PTPRE: variants seen among roughly 807,000 people sequenced by gnomAD.
PTPRE encodes protein tyrosine phosphatase receptor type E, also known as receptor-type tyrosine-protein phosphatase epsilon.
Under a neutral mutation model 102.0 loss-of-function variants are expected in PTPRE, and 51 were observed. That is an observed-to-expected ratio of 0.50 (90% CI 0.40 to 0.63). The LOEUF is 0.63. PTPRE is among the 30% of genes least tolerant of loss of function. PTPRE has a pLI of 0.00. For synonymous variants in PTPRE, 345 were observed against 348.2 expected (o/e 0.99, Z 0.10); for missense variants, 752 against 915.1 (o/e 0.82, Z 2.30).
chr10:127,942,767 A>G (rs1427090428), intron 1 of PTPRE, among the ~76,000 whole-genome samples: 1 of 152,230 alleles, frequency 6.6e-6, no homozygotes, highest in African/African-American at 2.4e-5. Context: ...CAGTTTGGGA[A>G]GAGGAAGAAG....
intron 10 of PTPRE, among the ~76,000 whole-genome samples, chr10:128,065,544 G>A (rs1472824570): frequency 1.3e-5 from 2 of 152,174 alleles, no homozygotes; most frequent in Non-Finnish European, 2.9e-5. Flanking sequence ...CGGCAGCCTC[G>A]TCCCTGCTAG....
intron 1 of PTPRE, among the ~76,000 whole-genome samples, chr10:127,910,293 C>G (rs1188164547): frequency 1.3e-5 from 2 of 152,184 alleles, no homozygotes; most frequent in African/African-American, 4.8e-5. Context: ...TGCTCTCAGC[C>G]TCCTTCCCCT....
intron 1 of PTPRE, among the ~76,000 whole-genome samples, chr10:127,908,450 G>C (rs1845645590): frequency 6.6e-6 from 1 of 152,084 alleles, no homozygotes; most frequent in South Asian, 2.1e-4. Flanking sequence ...GTGGGGAGGG[G>C]GGGTGTGGAG....
intron 6 of PTPRE, among the ~76,000 whole-genome samples, chr10:128,054,493 G>A (rs1266348050): frequency 6.6e-6 from 1 of 152,084 alleles, no homozygotes; most frequent in East Asian, 1.9e-4. Context: ...GGCGGCGTAG[G>A]TGCTGGTGGC....
chr10:128,013,124 A>G (rs761960486), intron 2 of PTPRE, among the ~76,000 whole-genome samples: 3 of 152,310 alleles, frequency 2.0e-5, no homozygotes, highest in African/African-American at 4.8e-5. Context: ...GCTGTGCTGC[A>G]TTATAATTTT....
chr10:127,973,181 G>A (rs1316484347), intron 1 of PTPRE, among the ~76,000 whole-genome samples: 1 of 152,144 alleles, frequency 6.6e-6, no homozygotes, highest in African/African-American at 2.4e-5. Flanking sequence ...ATGTGGAGGA[G>A]GGATTCATTA....
intron 2 of PTPRE, among the ~76,000 whole-genome samples, chr10:128,006,587 T>C (rs986702014): frequency 6.6e-6 from 1 of 152,210 alleles, no homozygotes; most frequent in African/African-American, 2.4e-5. Context: ...GTTCCGTCTT[T>C]ATTGCAAACT....
chr10:128,037,498 G>A (rs1847313373), intron 2 of PTPRE, among the ~76,000 whole-genome samples: 1 of 152,168 alleles, frequency 6.6e-6, no homozygotes, highest in South Asian at 2.1e-4. Context: ...CCTCCTCAAT[G>A]AGCTACTTTA....
intron 3 of PTPRE, among the ~76,000 whole-genome samples, chr10:128,041,694 T>C (rs1847715889): frequency 6.8e-6 from 1 of 148,114 alleles, no homozygotes; most frequent in African/African-American, 2.5e-5. Context: ...ATATTTTAGG[T>C]CAGATATTGG....
intron 17 of PTPRE, among the ~76,000 whole-genome samples, chr10:128,076,067 G>A (rs1048559491): frequency 6.6e-6 from 1 of 152,208 alleles, no homozygotes; most frequent in Non-Finnish European, 1.5e-5. Flanking sequence ...TCAAATTGTT[G>A]CATCGTGATT....
In PTPRE at chr10:128,079,573, C is replaced by T. The variant is rs1851524726; in HGVS notation, c.1906C>T (p.Arg636Ter). The T allele has an allele frequency of 4.3e-6, 7 of 1,613,900 alleles. No homozygotes were observed. The highest frequency in any genetic ancestry group is 5.9e-6 in the Non-Finnish European group (7 of 1,179,988). ...TTTTCTCTGCAGTGCCGGAGCTGGG[C>T]GAACAGGTACATTCATAGCCCTCAG... ...ITVHCSAGAG[R>*]TGTFIALSNI... The change falls in exon 20 of 21, where the codon CGA becomes TGA. Residue 636 changes from arginine to a stop codon, truncating the protein, a stop_gained. Transcript: ENST00000254667. LOFTEE classifies it high-confidence loss of function.
chr10:127,960,667 C>T (rs1849724502), intron 1 of PTPRE, among the ~76,000 whole-genome samples: 5 of 152,196 alleles, frequency 3.3e-5, no homozygotes, highest in Admixed American at 2.6e-4. Context: ...CTTGCCATAG[C>T]CCAGATCTTG....
chr10:127,974,849 T>C (rs1325661852), intron 1 of PTPRE, among the ~76,000 whole-genome samples: 1 of 152,100 alleles, frequency 6.6e-6, no homozygotes, highest in Non-Finnish European at 1.5e-5. Context: ...GGGGAGGGTC[T>C]GCACCTGCCT....
chr10:128,077,378 G>A (rs1009757277), intron 18 of PTPRE, among the ~76,000 whole-genome samples: 5 of 152,200 alleles, frequency 3.3e-5, no homozygotes, highest in African/African-American at 1.2e-4. Flanking sequence ...AGGGATCCAG[G>A]GGATGTCCTC....
intron 1 of PTPRE, among the ~76,000 whole-genome samples, chr10:127,951,282 T>C (rs1181964521): frequency 2.0e-5 from 3 of 152,174 alleles, no homozygotes; most frequent in South Asian, 2.1e-4. Context: ...AAGGAGAGGC[T>C]GGGTTCCCTC....
At position 128,076,664 on chromosome 10, in the gene PTPRE, A is replaced by G; in HGVS notation, c.1661A>G (p.Glu554Gly). The part of the protein sequence containing the change: ...GSVTHGEITI[E>G]IKNDTLSEAI... ...GTTACTCATGGAGAAATAACGATTG[A>G]GATAAAGAATGATACCCTTTCAGAA... Residue 554 changes from glutamate to glycine, a missense_variant, in exon 18 of 21, where the codon GAG (glutamate) becomes GGG (glycine). Glu to Gly is a moderately conservative substitution (Grantham distance 98, BLOSUM62 -2). This residue lies in a region of PTPRE where 636 missense variants were observed against 824.4 expected (regional missense o/e 0.77). Coordinates refer to ENST00000254667, the MANE Select transcript of PTPRE (RefSeq NM_006504.6). 6.2e-7 allele frequency: 1 copy of G among 1,612,072 alleles called. No individual in the cohort carries two copies. The highest frequency in any genetic ancestry group is 8.5e-7 in the Non-Finnish European group (1 of 1,179,528).
In PTPRE at chr10:127,972,773, G is replaced by A. The variant is rs551650495; in HGVS notation, c.-30-9501G>A. Reference sequence around the variant, plus strand: ...CTGCTGCTTCTCCCTCCCTTGGACTGTGGATTACAGGAGAGACCAGTAGCC... The same window carrying A: ...CTGCTGCTTCTCCCTCCCTTGGACTATGGATTACAGGAGAGACCAGTAGCC... On this transcript the variant is annotated intron_variant, in intron 1 of 20. Coordinates refer to ENST00000254667, the MANE Select transcript of PTPRE (RefSeq NM_006504.6). Among the ~76,000 whole-genome samples, 3 of 152,204 alleles carry A rather than the reference G, an allele frequency of 2.0e-5. No homozygotes were observed. The East Asian group carries it at 5.8e-4, about 29-fold the overall frequency.
At chr10:128,047,037 C>T (rs1037338310) in intron 3 of PTPRE, among the ~76,000 whole-genome samples, 32 of 152,224 alleles carry the variant, frequency 2.1e-4, no homozygotes, top group Non-Finnish European at 4.4e-4. Context: ...CCCGCGCTGT[C>T]CTAGGACCCT....
At chr10:128,069,960 C>T (rs1590220982) in intron 13 of PTPRE, 133 bp downstream of exon 13, 1 of 1,377,006 alleles carries the variant, frequency 7.3e-7, no homozygotes. Context: ...GCTTCGCTCC[C>T]CATAGCCTTC....
Sources: allele counts gnomAD v4.1 joint callset (sites outside exome capture counted in the v4.1 genomes callset), GRCh38; gene constraint gnomAD v4.1.1; regional missense constraint gnomAD v4.1.1; transcripts MANE v1.5; gene names NCBI Gene and HGNC (gene_info 2026-07-23, HGNC 2026-07-21).